PDE11A: variants seen among roughly 807,000 people sequenced by gnomAD.
PDE11A encodes the protein dual 3',5'-cyclic-AMP and -GMP phosphodiesterase 11A.
Under a neutral mutation model 100.5 loss-of-function variants are expected in PDE11A, and 100 were observed. The observed-to-expected ratio is 1.00, with a 90% CI of 0.85 to 1.18. The LOEUF is 1.18. Among genes scored for constraint, PDE11A ranks in the 50% most tolerant of loss-of-function variants. The probability of loss-of-function intolerance (pLI) is 0.00; values close to 1 mark genes in which losing one functional copy is unlikely to be tolerated. For missense variants in PDE11A, 1,141 were observed against 1,152.6 expected (o/e 0.99, Z 0.15); for synonymous variants, 381 against 420.8 (o/e 0.91, Z 1.16).
chr2:177,722,486 G>C (rs1278249010), intron 12 of PDE11A, among the ~76,000 whole-genome samples: 1 of 152,074 alleles, frequency 6.6e-6, no homozygotes, highest in Non-Finnish European at 1.5e-5. Flanking sequence ...GTGCAGCTTT[G>C]CCTTTTTTCT....
In PDE11A at chr2:177,905,170, A is replaced by T; in HGVS notation, c.1089T>A (p.Leu363=). 1 of 1,600,150 alleles carries T rather than the reference A, an allele frequency of 6.2e-7. No individual in the cohort carries two copies. The highest frequency in any genetic ancestry group is 8.6e-7 in the Non-Finnish European group (1 of 1,167,226). Residue 363 remains leucine, a synonymous_variant, in exon 3 of 20, where the codon CTT becomes CTA. Coordinates refer to ENST00000286063, the MANE Select transcript of PDE11A (RefSeq NM_016953.4). Reference sequence around the variant, plus strand: ...TAGATATGGCGATTCCACAAAATGGAAGATACATCTGCATAACCTGGGACA... The same window carrying T: ...TAGATATGGCGATTCCACAAAATGGTAGATACATCTGCATAACCTGGGACA... The part of the protein sequence containing the change: ...EDDEKVMQMY[L]PFCGIAISNA...
chr2:177,845,450 G>A (rs2083574944), intron 5 of PDE11A, among the ~76,000 whole-genome samples: 3 of 151,458 alleles, frequency 2.0e-5, no homozygotes, highest in South Asian at 4.2e-4. Flanking sequence ...GGGCAGAGAC[G>A]CTCCTCACTT....
intron 6 of PDE11A, among the ~76,000 whole-genome samples, chr2:177,824,195 T>C (rs1166457639): frequency 1.3e-5 from 2 of 152,130 alleles, no homozygotes; most frequent in Non-Finnish European, 2.9e-5. Flanking sequence ...GGAAGAGTTC[T>C]TGAAGTGGGG....
At chr2:177,730,090 A>T (rs1206207877) in intron 10 of PDE11A, among the ~76,000 whole-genome samples, 1 of 152,138 alleles carries the variant, frequency 6.6e-6, no homozygotes, top group Middle Eastern at 3.2e-3. Context: ...AAATTTATTT[A>T]TTATACTTTA....
intron 9 of PDE11A, among the ~76,000 whole-genome samples, chr2:177,772,001 C>CAATAAATAAATAAATAAATA (rs57220935): frequency 6.7e-6 from 1 of 149,404 alleles, no homozygotes; most frequent in African/African-American, 2.5e-5. Flanking sequence ...GACTCTGTCT[C>CAATAAATAAATAAATAAATA]AATAAATAAA....
At chr2:178,055,577 T>C (rs1281283795) in intron 1 of PDE11A, among the ~76,000 whole-genome samples, 1 of 152,154 alleles carries the variant, frequency 6.6e-6, no homozygotes, top group Admixed American at 6.5e-5. Context: ...TAGTTCCAAA[T>C]GCATTCACTA....
chr2:177,785,430 T>C (rs930966704), intron 9 of PDE11A, among the ~76,000 whole-genome samples: 1 of 152,204 alleles, frequency 6.6e-6, no homozygotes, highest in Admixed American at 6.5e-5. Flanking sequence ...TAGGAACAGC[T>C]CCAGTCTACA....
intron 10 of PDE11A, among the ~76,000 whole-genome samples, chr2:177,763,970 A>T (rs1018017311): frequency 2.2e-4 from 33 of 152,356 alleles, no homozygotes; most frequent in Admixed American, 2.1e-3. Context: ...GGCATAAGGC[A>T]GACACATCTC....
chr2:177,728,182 C>T lies in PDE11A; in HGVS notation c.1789-10G>A, dbSNP rs1393308203. 2 of 1,612,892 alleles carry T rather than the reference C, an allele frequency of 1.2e-6. No individual in the cohort carries two copies. The highest frequency in any genetic ancestry group is 3.3e-5 in the Admixed American group (2 of 59,942). The stretch of plus-strand genomic sequence containing the variant: ...GAGGGATGTTGGCTGCCTAGAAAAG[C>T]AAAAGACATAAGTCAAGCCAAGTTC... On this transcript the variant is annotated splice_polypyrimidine_tract_variant and intron_variant, in intron 10 of 19. Transcript: ENST00000286063.
intron 2 of PDE11A, among the ~76,000 whole-genome samples, chr2:177,929,347 T>A (rs1042427237): frequency 6.6e-6 from 1 of 152,212 alleles, no homozygotes; most frequent in African/African-American, 2.4e-5. Context: ...CTCCATTTGC[T>A]GGGCAAAATG....
chr2:177,739,625 C>G (rs188893611), intron 10 of PDE11A, among the ~76,000 whole-genome samples: 1 of 152,190 alleles, frequency 6.6e-6, no homozygotes, highest in Non-Finnish European at 1.5e-5. Context: ...CAAAAAGTAT[C>G]GTAGAGTCTC....
intron 9 of PDE11A, among the ~76,000 whole-genome samples, chr2:177,814,520 A>G (rs1345934823): frequency 2.6e-5 from 4 of 152,128 alleles, no homozygotes; most frequent in African/African-American, 9.7e-5. Context: ...TGGAAGCGGC[A>G]AGAGCAAGAT....
intron 10 of PDE11A, among the ~76,000 whole-genome samples, chr2:177,756,072 A>G (rs1007102431): frequency 6.6e-6 from 1 of 152,196 alleles, no homozygotes; most frequent in Middle Eastern, 3.2e-3. Flanking sequence ...GAGATTTTAC[A>G]TCTGGGACCT....
At chr2:177,786,116 C>A (rs1312921339) in intron 9 of PDE11A, among the ~76,000 whole-genome samples, 2 of 152,186 alleles carry the variant, frequency 1.3e-5, no homozygotes, top group Non-Finnish European at 1.5e-5. Context: ...GACCCCTGAG[C>A]AGCCTAACTG....
At chr2:177,733,854 A>G (rs557484389) in intron 10 of PDE11A, among the ~76,000 whole-genome samples, 5 of 152,342 alleles carry the variant, frequency 3.3e-5, no homozygotes, top group Non-Finnish European at 7.3e-5. Context: ...TGTTCACGAG[A>G]ACCCTAAAAG....
intron 2 of PDE11A, among the ~76,000 whole-genome samples, chr2:177,937,648 T>C (rs2085292376): frequency 6.6e-6 from 1 of 152,208 alleles, no homozygotes. Context: ...TCTTTTCTTG[T>C]GAAATCTACT....
intron 5 of PDE11A, among the ~76,000 whole-genome samples, chr2:177,841,585 G>A (rs541815364): frequency 1.8e-4 from 27 of 152,296 alleles, no homozygotes; most frequent in African/African-American, 6.3e-4. Flanking sequence ...TGCATGGAAA[G>A]GCCATTGGAT....
intron 8 of PDE11A, among the ~76,000 whole-genome samples, chr2:177,817,493 C>G (rs984293220): frequency 2.6e-5 from 4 of 152,150 alleles, no homozygotes; most frequent in African/African-American, 9.7e-5. Context: ...AGTGAATGCA[C>G]GGAAGCGTGT....
intron 1 of PDE11A, among the ~76,000 whole-genome samples, chr2:178,107,254 A>C (rs1465175291): frequency 6.6e-6 from 1 of 152,072 alleles, no homozygotes; most frequent in Non-Finnish European, 1.5e-5. Flanking sequence ...AGATTCAGTA[A>C]TAGCAGGAAG....
Sources: gnomAD v4.1 joint callset for allele counts (sites outside exome capture counted in the v4.1 genomes callset) on GRCh38, gnomAD v4.1.1 for gene constraint, MANE v1.5 for transcripts, NCBI Gene and HGNC (gene_info 2026-07-23, HGNC 2026-07-21) for gene names.